The following FRMD5 variants were observed in gnomAD, a reference collection of about 807,000 sequenced individuals.
FRMD5 encodes the protein FERM domain containing 5.
FRMD5 carries 20 observed loss-of-function variants against 69.0 expected under a neutral mutation model. The observed-to-expected ratio is 0.29, with a 90% CI of 0.20 to 0.42. The LOEUF (loss-of-function observed/expected upper bound fraction) is 0.42, where lower values mean the gene tolerates loss of function less well. Among genes scored for constraint, FRMD5 ranks in the 10% least tolerant of loss-of-function variants. The pLI, the probability that FRMD5 is intolerant of heterozygous loss-of-function variation, is 1.00. For synonymous variants in FRMD5, 271 were observed against 260.1 expected (o/e 1.04, Z -0.40); for missense variants, 595 against 708.6 (o/e 0.84, Z 1.82).
At position 43,873,522 on chromosome 15, in the gene FRMD5, C is replaced by T. The variant is rs1252673614; in HGVS notation, c.*363G>A. The T allele has an allele frequency of 4.3e-6, 6 of 1,394,500 alleles. No homozygotes were observed. The highest frequency in any genetic ancestry group is 1.4e-5 in the South Asian group (1 of 70,236). The allele number at this position is 1,394,500 out of a possible 1,614,324, so 86.4% of individuals were successfully genotyped here. A position where few individuals can be genotyped will look rare whatever the true frequency, so the allele number is the denominator to read the frequency against. On this transcript the variant is annotated 3_prime_UTR_variant, in exon 14 of 14. Transcript: ENST00000417257. ...TCCCCTCTGCTAGGTGATACTACTG[C>T]AATAATCAGTAATAGTAAAATAAAT...
At chr15:43,931,212 C>G (rs2089668588) in intron 1 of FRMD5, among the ~76,000 whole-genome samples, 1 of 152,174 alleles carries the variant, frequency 6.6e-6, no homozygotes, top group Non-Finnish European at 1.5e-5. Flanking sequence ...CTGCATCTTG[C>G]TATTGATTGA....
At chr15:44,167,470 G>A (rs1163991203) in intron 1 of FRMD5, among the ~76,000 whole-genome samples, 1 of 152,170 alleles carries the variant, frequency 6.6e-6, no homozygotes, top group East Asian at 1.9e-4. Context: ...CTGGATCCTG[G>A]AGGACTTTAT....
At chr15:44,168,301 T>C (rs1433357176) in intron 1 of FRMD5, among the ~76,000 whole-genome samples, 1 of 152,216 alleles carries the variant, frequency 6.6e-6, no homozygotes, top group East Asian at 1.9e-4. Flanking sequence ...ATGCAGTAAA[T>C]ACTGGCATTT....
At chr15:44,061,552 T>C (rs999252891) in intron 1 of FRMD5, among the ~76,000 whole-genome samples, 3 of 152,238 alleles carry the variant, frequency 2.0e-5, no homozygotes, top group Admixed American at 6.5e-5. Context: ...GAGCTTCTGA[T>C]ATAGGCCATA....
chr15:44,001,736 A>G (rs1890222947), intron 1 of FRMD5, among the ~76,000 whole-genome samples: 1 of 151,720 alleles, frequency 6.6e-6, no homozygotes, highest in Non-Finnish European at 1.5e-5. Flanking sequence ...CCCCCCAAGT[A>G]GCTGGGACTA....
At chr15:44,093,938 A>G (rs576796503) in intron 1 of FRMD5, among the ~76,000 whole-genome samples, 17 of 152,262 alleles carry the variant, frequency 1.1e-4, no homozygotes, top group African/African-American at 3.6e-4. Context: ...AGTCTTCACC[A>G]TTATATATCA....
chr15:44,047,882 T>C (rs1478147898), intron 1 of FRMD5, among the ~76,000 whole-genome samples: 1 of 152,242 alleles, frequency 6.6e-6, no homozygotes, highest in East Asian at 1.9e-4. Context: ...GTAGTATGTA[T>C]CAGTACTTTC....
At chr15:43,957,242 C>T (rs189695323) in intron 1 of FRMD5, among the ~76,000 whole-genome samples, 176 of 152,124 alleles carry the variant, frequency 1.2e-3, no homozygotes, top group African/African-American at 4.2e-3. Flanking sequence ...GTCACCCAGG[C>T]TGGAGTACAG....
intron 1 of FRMD5, among the ~76,000 whole-genome samples, chr15:43,999,224 C>G (rs1053574441): frequency 3.3e-5 from 5 of 152,034 alleles, no homozygotes; most frequent in African/African-American, 1.2e-4. Context: ...TGTGCCACCA[C>G]GCCTGGCTAA....
chr15:44,183,461 G>A (rs918496222), intron 1 of FRMD5, among the ~76,000 whole-genome samples: 1 of 152,190 alleles, frequency 6.6e-6, no homozygotes, highest in African/African-American at 2.4e-5. Context: ...AAGGGCAAAT[G>A]GGAAGCCAGA....
intron 1 of FRMD5, among the ~76,000 whole-genome samples, chr15:44,027,792 G>A (rs1369484682): frequency 6.6e-6 from 1 of 151,858 alleles, no homozygotes. Flanking sequence ...CTACACGTGC[G>A]TGCCAACACA....
In FRMD5 at chr15:43,873,279, A is replaced by G; in HGVS notation, c.*606T>C. On this transcript the variant is annotated 3_prime_UTR_variant, in exon 14 of 14. Coordinates refer to ENST00000417257, the MANE Select transcript of FRMD5 (RefSeq NM_032892.5). ...AAAATCCAACTCAGACCATCATAAG[A>G]AGCAACTTTCCATTTAATCATTCTA... 6.5e-7 allele frequency: 1 copy of G among 1,538,304 alleles called. No homozygotes were observed. The highest frequency in any genetic ancestry group is 1.2e-5 in the South Asian group (1 of 81,886).
Position 43,872,970 on chromosome 15 carries a change from C to T in FRMD5, c.*915G>A, listed in dbSNP as rs1157092224. On this transcript the variant is annotated 3_prime_UTR_variant, in exon 14 of 14. Transcript: ENST00000417257. ...CTCAACAGTCTCTCAGGTAACTTAA[C>T]TCTGCTTTCTCTTAACTACACTTTG... The T allele has an allele frequency of 5.5e-6, 3 of 541,174 alleles. No individual in the cohort carries two copies. The highest frequency in any genetic ancestry group is 5.8e-5 in the East Asian group (2 of 34,444). 33.5% of individuals were successfully genotyped at this position (541,174 alleles called of 1,614,324 possible).
intron 1 of FRMD5, among the ~76,000 whole-genome samples, chr15:44,131,031 C>T (rs2077090719): frequency 6.6e-6 from 1 of 152,166 alleles, no homozygotes; most frequent in South Asian, 2.1e-4. Flanking sequence ...CAAAGGCTAT[C>T]TAGCCTAACA....
chr15:44,162,145 A>G (rs2077626443), intron 1 of FRMD5, among the ~76,000 whole-genome samples: 1 of 151,906 alleles, frequency 6.6e-6, no homozygotes, highest in Non-Finnish European at 1.5e-5. Flanking sequence ...TTGTATTTTT[A>G]GTACAGATGG....
At position 44,001,677 on chromosome 15, in the gene FRMD5, G is replaced by A. The variant is rs112101760; in HGVS notation, c.103-77368C>T. 7.3e-3 allele frequency among the ~76,000 whole-genome samples: 1,104 copies of A among 151,410 alleles called. 21 individuals are homozygous for A. Among genetic ancestry groups the A allele is most frequent in the African/African-American group, 0.026 (1,054 of 41,236 alleles). On this transcript the variant is annotated intron_variant, in intron 1 of 13. Coordinates refer to ENST00000417257, the MANE Select transcript of FRMD5 (RefSeq NM_032892.5). Reference sequence around the variant, plus strand: ...GCTGGAGTCCAGTGGCATGAACACAGCTCACTGCAGCCTCCGCTTCCCACA... The same window carrying A: ...GCTGGAGTCCAGTGGCATGAACACAACTCACTGCAGCCTCCGCTTCCCACA...
chr15:43,938,704 A>G (rs1407902916), intron 1 of FRMD5, among the ~76,000 whole-genome samples: 1 of 152,210 alleles, frequency 6.6e-6, no homozygotes, highest in Non-Finnish European at 1.5e-5. Flanking sequence ...GGCTTCTCCA[A>G]GAAGGTACAC....
intron 1 of FRMD5, among the ~76,000 whole-genome samples, chr15:43,984,279 T>C (rs56152724): frequency 3.9e-4 from 59 of 152,304 alleles, no homozygotes; most frequent in Non-Finnish European, 6.9e-4. Flanking sequence ...TAGAAAAAGC[T>C]TTACAGAATA....
At position 43,937,854 on chromosome 15, in the gene FRMD5, C is replaced by T. The variant is rs1029927677; in HGVS notation, c.103-13545G>A. ...AAGTCTTTTATAAGCTTGTCTCAAGCGGTAACTGAATGTTGACCACTGCCA... is the reference window on the plus strand; with the variant it reads ...AAGTCTTTTATAAGCTTGTCTCAAGTGGTAACTGAATGTTGACCACTGCCA... On this transcript the variant is annotated intron_variant, in intron 1 of 13. Transcript: ENST00000417257. Among the ~76,000 whole-genome samples, 13 of 152,068 alleles carry T rather than the reference C, an allele frequency of 8.5e-5. 1 individual carries two copies. In the East Asian group the frequency reaches 9.6e-4, roughly 11 times the overall value.
Sources: allele counts gnomAD v4.1 joint callset (sites outside exome capture counted in the v4.1 genomes callset), GRCh38; gene constraint gnomAD v4.1.1; transcripts MANE v1.5; gene names NCBI Gene and HGNC (gene_info 2026-07-23, HGNC 2026-07-21).